TBC1D4: variants seen among roughly 807,000 people sequenced by gnomAD.
TBC1D4 encodes the protein TBC1 domain family member 4, also known as TBC (Tre-2, BUB2, CDC16) domain-containing protein.
In TBC1D4, 121 loss-of-function variants were observed where a neutral mutation model predicts 142.5. The observed-to-expected ratio is 0.85, with a 90% CI of 0.73 to 0.99. TBC1D4 has a LOEUF of 0.99. Ranked by LOEUF, TBC1D4 falls within the 50% of genes least tolerant of loss-of-function variation. TBC1D4 has a pLI of 0.00. For synonymous variants in TBC1D4, 630 were observed against 628.2 expected (o/e 1.00, Z -0.04); for missense variants, 1,475 against 1,606.6 (o/e 0.92, Z 1.40).
chr13:75,357,464 A>G (rs183861661), intron 3 of TBC1D4, among the ~76,000 whole-genome samples: 167 of 152,228 alleles, frequency 1.1e-3, no homozygotes, highest in African/African-American at 3.8e-3. Flanking sequence ...TTTCTCTCCT[A>G]TAACATTCCC....
chr13:75,456,122 C>A lies in TBC1D4; in HGVS notation c.498+25148G>T, dbSNP rs144830347. 7.3e-4 allele frequency among the ~76,000 whole-genome samples: 111 copies of A among 152,158 alleles called. 1 individual carries two copies. The East Asian group carries it at 0.02, about 28-fold the overall frequency. ...GATTATAGGCATGCACCACTCCCAG[C>A]TCTCACATAGGCTTAGTGTCCAATA... On this transcript the variant is annotated intron_variant, in intron 1 of 20. Coordinates refer to ENST00000377636, the MANE Select transcript of TBC1D4 (RefSeq NM_014832.5).
At chr13:75,373,300 T>C (rs1883317218) in intron 1 of TBC1D4, among the ~76,000 whole-genome samples, 1 of 152,246 alleles carries the variant, frequency 6.6e-6, no homozygotes, top group South Asian at 2.1e-4. Flanking sequence ...GAAAATAATA[T>C]GACATTCTTG....
intron 1 of TBC1D4, among the ~76,000 whole-genome samples, chr13:75,407,265 G>A (rs1305075579): frequency 6.6e-6 from 1 of 152,162 alleles, no homozygotes; most frequent in Non-Finnish European, 1.5e-5. Context: ...AGTTTAAACA[G>A]ATTTAAATAG....
chr13:75,326,270 G>A lies in TBC1D4; in HGVS notation c.1960C>T (p.Leu654=), dbSNP rs1421740555. ...SHPPSSTKRK[L]NLQDGRAQGV... ...TGAGCCCTCCCATCCTGCAAATTCA[G>A]CTTTCTCTTTGTGCTTGAAGGTGGG... Residue 654 remains leucine, a synonymous_variant, in exon 10 of 21, where the codon CTG becomes TTG. Coordinates refer to ENST00000377636, the MANE Select transcript of TBC1D4 (RefSeq NM_014832.5). The A allele has an allele frequency of 3.1e-6, 5 of 1,614,000 alleles. No homozygotes were observed. In the African/African-American group the frequency reaches 4.0e-5, roughly 13 times the overall value.
Position 75,286,972 on chromosome 13 carries a change from CG to C in TBC1D4, c.3716del (p.Thr1239ArgfsTer6), listed in dbSNP as rs1566334426. On this transcript the variant is annotated frameshift_variant, in exon 21 of 21. Coordinates refer to ENST00000377636, the MANE Select transcript of TBC1D4 (RefSeq NM_014832.5). LOFTEE classifies it high-confidence loss of function. ...ALESNLENLL[T>X]RETKMKSLIR... Reference sequence around the variant, plus strand: ...TTAAAGACTTCATTTTGGTCTCTCTCGTCAAAAGATTTTCCAGGTTTGATTC... The same window carrying C: ...TTAAAGACTTCATTTTGGTCTCTCTCTCAAAAGATTTTCCAGGTTTGATTC... 1 of 1,613,860 alleles carries C rather than the reference CG, an allele frequency of 6.2e-7. No homozygotes were observed. Among genetic ancestry groups the C allele is most frequent in the Admixed American group, 1.7e-5 (1 of 59,952 alleles).
chr13:75,429,955 C>T lies in TBC1D4; in HGVS notation c.498+51315G>A, dbSNP rs1412935092. Among the ~76,000 whole-genome samples, 5 of 152,166 alleles carry T rather than the reference C, an allele frequency of 3.3e-5. No individual in the cohort carries two copies. In the East Asian group the frequency reaches 9.7e-4, roughly 29 times the overall value. ...ACATAATAATGTATTCCAAAAAGCA[C>T]CCATCTGGAATAGGAGAAGAGCTAG... On this transcript the variant is annotated intron_variant, in intron 1 of 20. Transcript: ENST00000377636.
intron 1 of TBC1D4, among the ~76,000 whole-genome samples, chr13:75,459,338 C>A (rs1471904914): frequency 6.6e-6 from 1 of 152,164 alleles, no homozygotes; most frequent in Non-Finnish European, 1.5e-5. Flanking sequence ...TAATACCTAA[C>A]CTTTATCTTC....
chr13:75,326,564 A>G, intron 9 of TBC1D4, 141 bp from the exon 10 acceptor site: 1 of 857,290 alleles, frequency 1.2e-6, no homozygotes. Flanking sequence ...CCTTTTACTT[A>G]ATTTATGCCG....
Position 75,427,027 on chromosome 13 carries a change from C to T in TBC1D4, c.498+54243G>A, listed in dbSNP as rs112167016. The stretch of plus-strand genomic sequence containing the variant: ...TTGTGCCATCATACTCCAGCCTGGG[C>T]GACAAGAGACTGTCTCAGAAGAAAA... On this transcript the variant is annotated intron_variant, in intron 1 of 20. Transcript: ENST00000377636. 3.9e-3 allele frequency among the ~76,000 whole-genome samples: 586 copies of T among 151,772 alleles called. 2 individuals are homozygous for T. The highest frequency in any genetic ancestry group is 0.013 in the African/African-American group (548 of 41,356).
intron 1 of TBC1D4, among the ~76,000 whole-genome samples, chr13:75,434,688 G>A (rs1425597091): frequency 1.3e-5 from 2 of 151,712 alleles, no homozygotes; most frequent in African/African-American, 2.4e-5. Context: ...AACTAAAAAT[G>A]TTTTTATATA....
intron 1 of TBC1D4, among the ~76,000 whole-genome samples, chr13:75,430,510 C>A (rs547918164): frequency 6.6e-6 from 1 of 152,202 alleles, no homozygotes; most frequent in East Asian, 1.9e-4. Context: ...AAGGGTCACA[C>A]TACCGGAATT....
At chr13:75,309,175 T>C (rs982936073) in intron 14 of TBC1D4, among the ~76,000 whole-genome samples, 1 of 152,174 alleles carries the variant, frequency 6.6e-6, no homozygotes, top group Non-Finnish European at 1.5e-5. Flanking sequence ...CCCAAAATAA[T>C]GAAATTTATA....
chr13:75,343,184 C>CT (rs1880854396), intron 5 of TBC1D4, among the ~76,000 whole-genome samples: 1 of 152,182 alleles, frequency 6.6e-6, no homozygotes, highest in South Asian at 2.1e-4. Context: ...ATTTGAGCTA[C>CT]TTTTTAAAAT....
chr13:75,326,868 T>C (rs12585418), intron 9 of TBC1D4, among the ~76,000 whole-genome samples: 3 of 152,292 alleles, frequency 2.0e-5, no homozygotes, highest in African/African-American at 2.4e-5. Flanking sequence ...GACATATCAA[T>C]TGCATGCTTC....
At chr13:75,387,967 A>T (rs1011882181) in intron 1 of TBC1D4, among the ~76,000 whole-genome samples, 1 of 152,184 alleles carries the variant, frequency 6.6e-6, no homozygotes, top group African/African-American at 2.4e-5. Context: ...TACTTACTGG[A>T]ATCTCTAGGG....
intron 1 of TBC1D4, among the ~76,000 whole-genome samples, chr13:75,383,891 A>G (rs1884011869): frequency 6.6e-6 from 1 of 151,924 alleles, no homozygotes. Flanking sequence ...TTCATCATCT[A>G]TTTCCTGGGT....
intron 1 of TBC1D4, among the ~76,000 whole-genome samples, chr13:75,441,273 G>A (rs953903255): frequency 2.6e-5 from 4 of 151,862 alleles, no homozygotes; most frequent in African/African-American, 9.7e-5. Context: ...AAGGAGGAGG[G>A]GGTACAAGGC....
At chr13:75,363,577 C>T (rs553508479) in intron 1 of TBC1D4, among the ~76,000 whole-genome samples, 1 of 151,976 alleles carries the variant, frequency 6.6e-6, no homozygotes, top group Non-Finnish European at 1.5e-5. Context: ...CAAATTGTCC[C>T]GCCTTTCCAG....
At position 75,285,277 on chromosome 13, in the gene TBC1D4, C is replaced by T. The variant is rs1232439692; in HGVS notation, c.*1515G>A. Reference sequence around the variant, plus strand: ...ATCTGTTCATCAAAGCTTTCTGAAACCCCTAGAGCTTTACTATTCTACTCT... The same window carrying T: ...ATCTGTTCATCAAAGCTTTCTGAAATCCCTAGAGCTTTACTATTCTACTCT... On this transcript the variant is annotated 3_prime_UTR_variant, in exon 21 of 21. Transcript: ENST00000377636. 2 of 152,154 alleles carry T rather than the reference C, an allele frequency of 1.3e-5. No individual in the cohort carries two copies. Among genetic ancestry groups the T allele is most frequent in the African/African-American group, 4.8e-5 (2 of 41,430 alleles). 9.4% of individuals were successfully genotyped at this position (152,154 alleles called of 1,614,324 possible).
Sources: allele counts gnomAD v4.1 joint callset (sites outside exome capture counted in the v4.1 genomes callset), GRCh38; gene constraint gnomAD v4.1.1; transcripts MANE v1.5; gene names NCBI Gene and HGNC (gene_info 2026-07-23, HGNC 2026-07-21).